The following PCDHGB4 variants were observed in gnomAD, a reference collection of about 807,000 sequenced individuals.
PCDHGB4 encodes protocadherin gamma-B4.
A neutral mutation model predicts 60.5 loss-of-function variants in PCDHGB4; 38 were observed. That is an observed-to-expected ratio of 0.63 (90% CI 0.48 to 0.82). The LOEUF is 0.82. Among genes scored for constraint, PCDHGB4 ranks in the 40% least tolerant of loss-of-function variants. PCDHGB4 has a pLI of 0.00. For synonymous variants in PCDHGB4, 456 were observed against 509.7 expected (o/e 0.89, Z 1.42); for missense variants, 1,109 against 1,209.6 (o/e 0.92, Z 1.23).
chr5:141,413,157 A>T, intron 1 of PCDHGB4: 2 of 1,578,898 alleles, frequency 1.3e-6, no homozygotes, highest in Non-Finnish European at 1.7e-6. Flanking sequence ...ACTTTGCAGA[A>T]TTCTGTAACC....
Position 141,476,605 on chromosome 5 carries a change from T to C in PCDHGB4, c.2398-18202T>C, listed in dbSNP as rs1394742940. ...CGCTCGAGAGCGCGCACGATCCCGATGTGGGAAGCAACTCTTTACAAACCT... is the reference window on the plus strand; with the variant it reads ...CGCTCGAGAGCGCGCACGATCCCGACGTGGGAAGCAACTCTTTACAAACCT... On this transcript the variant is annotated intron_variant, in intron 1 of 3. Transcript: ENST00000519479. This position sits in a 1 kb window ranked among gnomAD's most constrained non-coding sequence, Gnocchi z 7.6. 1.9e-6 allele frequency: 3 copies of C among 1,614,066 alleles called. No individual in the cohort carries two copies. In the East Asian group the frequency reaches 6.7e-5, roughly 36 times the overall value.
At chr5:141,464,470 C>T (rs1175806879) in intron 1 of PCDHGB4, among the ~76,000 whole-genome samples, 3 of 151,194 alleles carry the variant, frequency 2.0e-5, no homozygotes, top group Non-Finnish European at 2.9e-5. Flanking sequence ...GAAGTATGTA[C>T]GTATAATAAA....
At position 141,486,315 on chromosome 5, in the gene PCDHGB4, C is replaced by T. The variant is rs1432435944; in HGVS notation, c.2398-8492C>T. The T allele has an allele frequency of 6.2e-7, 1 of 1,614,066 alleles. No individual in the cohort carries two copies. Among genetic ancestry groups the T allele is most frequent in the East Asian group, 2.2e-5 (1 of 44,862 alleles). ...AGTGTGCAGGATCCAGACTCAGGGT[C>T]AAACGGAGATGTGAGCCTCCGCATT... On this transcript the variant is annotated intron_variant, in intron 1 of 3. Transcript: ENST00000519479. The surrounding 1 kb of genome is among the most constrained non-coding windows in gnomAD (Gnocchi z 5.0).
intron 1 of PCDHGB4, chr5:141,441,088 G>A (rs1050261040): frequency 3.9e-5 from 6 of 152,162 alleles, no homozygotes; most frequent in African/African-American, 1.4e-4. Context: ...GGTAGCAAGT[G>A]ACAGAGAGGG....
intron 1 of PCDHGB4, chr5:141,403,257 G>A: frequency 6.2e-7 from 1 of 1,613,902 alleles, no homozygotes; most frequent in Non-Finnish European, 8.5e-7. Flanking sequence ...AGCCCGCGGT[G>A]TCTGGTGAAC....
intron 1 of PCDHGB4, chr5:141,430,760 A>C: frequency 1.3e-6 from 2 of 1,505,596 alleles, no homozygotes; most frequent in Non-Finnish European, 8.9e-7. Context: ...GAAGATAAGA[A>C]TGATTCCTGC....
intron 1 of PCDHGB4, chr5:141,393,590 G>A: frequency 1.2e-6 from 2 of 1,613,896 alleles, no homozygotes; most frequent in South Asian, 2.2e-5. Flanking sequence ...CCCCAGGCAC[G>A]CGGCTGCTTA....
Position 141,477,265 on chromosome 5 carries a change from G to T in PCDHGB4, c.2398-17542G>T. On this transcript the variant is annotated intron_variant, in intron 1 of 3. Coordinates refer to ENST00000519479, the MANE Select transcript of PCDHGB4 (RefSeq NM_003736.4). The surrounding 1 kb of genome is among the most constrained non-coding windows in gnomAD (Gnocchi z 4.9). ...GTGTGACTGACCTGGATGCTGGCGA[G>T]AACGGGCTGGTGACCTGCGAAGTTC... 6.2e-7 allele frequency: 1 copy of T among 1,614,198 alleles called. No individual in the cohort carries two copies. Among genetic ancestry groups the T allele is most frequent in the Non-Finnish European group, 8.5e-7 (1 of 1,180,044 alleles).
chr5:141,499,223 C>T (rs1478344280), intron 2 of PCDHGB4, among the ~76,000 whole-genome samples: 2 of 152,112 alleles, frequency 1.3e-5, no homozygotes, highest in African/African-American at 4.8e-5. Context: ...CCCTGCCCTG[C>T]AGCTGTCCCC....
chr5:141,508,647 C>T (rs1301017914), intron 3 of PCDHGB4, among the ~76,000 whole-genome samples: 4 of 152,090 alleles, frequency 2.6e-5, no homozygotes, highest in African/African-American at 9.7e-5. Flanking sequence ...CTCCGTCAGG[C>T]CCTTCCTGTC....
chr5:141,390,003 C>A lies in PCDHGB4; in HGVS notation c.2119C>A (p.Leu707Met). 6.2e-7 allele frequency: 1 copy of A among 1,614,056 alleles called. No homozygotes were observed. The highest frequency in any genetic ancestry group is 8.5e-7 in the Non-Finnish European group (1 of 1,179,896). The change falls in exon 1 of 4, where the codon CTG becomes ATG. Residue 707 changes from leucine (L) to methionine (M), a missense_variant. Transcript: ENST00000519479. ...ISVLFLVAMI[L>M]AIALRLRRSS... Reference sequence around the variant, plus strand: ...AGTGCTCTTCCTCGTGGCCATGATTCTGGCCATTGCCTTGCGCCTGCGACG... The same window carrying A: ...AGTGCTCTTCCTCGTGGCCATGATTATGGCCATTGCCTTGCGCCTGCGACG...
chr5:141,478,026 C>T (rs1192406949), intron 1 of PCDHGB4: 2 of 1,614,062 alleles, frequency 1.2e-6, no homozygotes, highest in East Asian at 2.2e-5. Flanking sequence ...GTCCAAGACA[C>T]AGATTCACCC....
At chr5:141,409,867 C>T (rs376725837) in intron 1 of PCDHGB4, 35 of 1,612,662 alleles carry the variant, frequency 2.2e-5, no homozygotes, top group African/African-American at 2.1e-4. Flanking sequence ...TGGGAGACCG[C>T]AATGACAACG....
chr5:141,388,935 C>T lies in PCDHGB4; in HGVS notation c.1051C>T (p.Pro351Ser), dbSNP rs1215680251. The T allele has an allele frequency of 1.2e-6, 2 of 1,613,984 alleles. No homozygotes were observed. The highest frequency in any genetic ancestry group is 1.1e-5 in the South Asian group (1 of 91,086). ...NAPEVIFQSL[P>S]NLIMEDAELG... is the part of the protein sequence containing the mutation. ...CCCAGAAGTGATATTCCAGTCTCTA[C>T]CCAACCTAATTATGGAGGACGCCGA... Residue 351 changes from proline (P) to serine (S), a missense_variant, in exon 1 of 4, where the codon CCC (proline) becomes TCC (serine). Coordinates refer to ENST00000519479, the MANE Select transcript of PCDHGB4 (RefSeq NM_003736.4).
At chr5:141,391,795 A>G (rs1220181718) in intron 1 of PCDHGB4, 2 of 152,206 alleles carry the variant, frequency 1.3e-5, no homozygotes, top group African/African-American at 4.8e-5. Context: ...GCAGTTTTTT[A>G]GATCAAAGTG....
chr5:141,394,521 G>A (rs761808641), intron 1 of PCDHGB4: 5 of 1,614,212 alleles, frequency 3.1e-6, no homozygotes, highest in Non-Finnish European at 4.2e-6. Flanking sequence ...CCTCCCCACA[G>A]ACGGTTCCAC....
At chr5:141,421,930 G>A (rs780569992) in intron 1 of PCDHGB4, 1 of 1,613,480 alleles carries the variant, frequency 6.2e-7, no homozygotes, top group Non-Finnish European at 8.5e-7. Flanking sequence ...GGTGGTCCTC[G>A]ATGTAAATGA....
rs1395556571 is a variant in PCDHGB4 at position 141,432,581 on chromosome 5, C to CT, written c.2397+42301dup. ...CCAGAACGCCTGGCTGTCCTACCGT[C>CT]TGCTCAAGGCCAGCGAGCCGGGACT... On this transcript the variant is annotated intron_variant, in intron 1 of 3. Coordinates refer to ENST00000519479, the MANE Select transcript of PCDHGB4 (RefSeq NM_003736.4). This position sits in a 1 kb window ranked among gnomAD's most constrained non-coding sequence, Gnocchi z 6.0. 6.2e-7 allele frequency: 1 copy of CT among 1,613,930 alleles called. No homozygotes were observed.
At chr5:141,505,977 G>A (rs944259753) in intron 3 of PCDHGB4, among the ~76,000 whole-genome samples, 1 of 152,150 alleles carries the variant, frequency 6.6e-6, no homozygotes, top group East Asian at 1.9e-4. Flanking sequence ...CCAGCCGAGA[G>A]AACACCTCCT....
Sources: allele counts gnomAD v4.1 joint callset (sites outside exome capture counted in the v4.1 genomes callset), GRCh38; gene constraint gnomAD v4.1.1; non-coding constraint Gnocchi (gnomAD v3.1); transcripts MANE v1.5; gene names NCBI Gene and HGNC (gene_info 2026-07-23, HGNC 2026-07-21).